The following TMEM209 variants were observed in gnomAD, a reference collection of about 807,000 sequenced individuals.
TMEM209 encodes transmembrane protein 209, also known as testicular tissue protein Li 202.
Under a neutral mutation model 76.2 loss-of-function variants are expected in TMEM209, and 65 were observed. That is an observed-to-expected ratio of 0.85 (90% CI 0.70 to 1.05). The LOEUF (loss-of-function observed/expected upper bound fraction) is 1.05. Among genes scored for constraint, TMEM209 ranks in the 50% least tolerant of loss-of-function variants. The pLI is 0.00. For synonymous variants in TMEM209, 239 were observed against 237.6 expected (o/e 1.01, Z -0.06); for missense variants, 623 against 685.5 (o/e 0.91, Z 1.02).
rs546526731 is a variant in TMEM209, at chr7:130,185,179, A to G, written c.951+13T>C. On this transcript the variant is annotated intron_variant, in intron 7 of 14. Transcript: ENST00000397622. ...AAATCATAAATATTAAGTCACTTTT[A>G]TTTTCCACTTACCTCTTCTGCGGCT... The G allele has an allele frequency of 4.1e-5, 65 of 1,597,882 alleles. No homozygotes were observed. Among genetic ancestry groups the G allele is most frequent in the Non-Finnish European group, 5.4e-5 (63 of 1,171,340 alleles).
intron 6 of TMEM209, among the ~76,000 whole-genome samples, chr7:130,190,193 T>C (rs1797744606): frequency 6.6e-6 from 1 of 152,180 alleles, no homozygotes; most frequent in Non-Finnish European, 1.5e-5. Context: ...AATGTAAATG[T>C]ACTTACCACC....
chr7:130,185,294 T>G lies in TMEM209; in HGVS notation c.849A>C (p.Ala283=). Residue 283 remains alanine (A), a synonymous_variant, in exon 7 of 15, where the codon GCA becomes GCC. Transcript: ENST00000397622. ...WNYSRSMGDY[A]QTLKKFQYQL... is the part of the protein sequence containing the mutation. ...GATACTGAAACTTCTTTAAAGTTTG[T>G]GCATAATCCCCCATAGAACGACTAT... 6.2e-7 allele frequency: 1 copy of G among 1,614,040 alleles called. No homozygotes were observed. Among genetic ancestry groups the G allele is most frequent in the Non-Finnish European group, 8.5e-7 (1 of 1,179,890 alleles).
At position 130,165,267 on chromosome 7, in the gene TMEM209, A is replaced by T. The variant is rs554955151; in HGVS notation, c.*1184T>A. On this transcript the variant is annotated 3_prime_UTR_variant, in exon 15 of 15. Coordinates refer to ENST00000397622, the MANE Select transcript of TMEM209 (RefSeq NM_032842.4). ...GATGGAAGCAGTCTCTAATATGTTA[A>T]TCAAGAAAATATATGCAATTGCCAG... The T allele has an allele frequency of 2.0e-5, 3 of 152,208 alleles. No homozygotes were observed. Among genetic ancestry groups the T allele is most frequent in the African/African-American group, 7.2e-5 (3 of 41,456 alleles). 9.4% of individuals were successfully genotyped at this position (152,208 alleles called of 1,614,324 possible).
At chr7:130,187,392 C>T (rs562307515) in intron 6 of TMEM209, among the ~76,000 whole-genome samples, 3 of 152,080 alleles carry the variant, frequency 2.0e-5, no homozygotes, top group Admixed American at 1.3e-4. Context: ...GCTGCTGTGG[C>T]GTGGCTGCTC....
intron 8 of TMEM209, among the ~76,000 whole-genome samples, chr7:130,182,517 G>C (rs549441767): frequency 1.1e-3 from 170 of 152,238 alleles, no homozygotes; most frequent in African/African-American, 3.9e-3. Context: ...GAAAAACAGA[G>C]ACTTATTACA....
Position 130,173,725 on chromosome 7 carries a change from A to C in TMEM209, c.1464T>G (p.Val488=). The change falls in exon 13 of 15, where the codon GTT becomes GTG. Residue 488 remains valine, a synonymous_variant. Coordinates refer to ENST00000397622, the MANE Select transcript of TMEM209 (RefSeq NM_032842.4). ...HFVQTPNKPD[V]TNENVFCIYQ... Reference sequence around the variant, plus strand: ...AAATGCAAAAAACATTCTCATTTGTAACATCTGTAAAGGAAGGCAATATGC... The same window carrying C: ...AAATGCAAAAAACATTCTCATTTGTCACATCTGTAAAGGAAGGCAATATGC... 6.2e-7 allele frequency: 1 copy of C among 1,613,672 alleles called. No homozygotes were observed. The highest frequency in any genetic ancestry group is 8.5e-7 in the Non-Finnish European group (1 of 1,179,646).
Position 130,202,677 on chromosome 7 carries a change from A to G in TMEM209, c.200-14T>C. 1 of 1,599,166 alleles carries G rather than the reference A, an allele frequency of 6.3e-7. No individual in the cohort carries two copies. Among genetic ancestry groups the G allele is most frequent in the Non-Finnish European group, 8.5e-7 (1 of 1,172,332 alleles). On this transcript the variant is annotated splice_polypyrimidine_tract_variant and intron_variant, in intron 3 of 14. Coordinates refer to ENST00000397622, the MANE Select transcript of TMEM209 (RefSeq NM_032842.4). ...CAAGGGCAAGCTCTGGAAGAGAACA[A>G]TTTTTTTTTAATAAGGGGGGTGAGG... is the stretch of plus-strand genomic sequence containing the variant.
At position 130,178,402 on chromosome 7, in the gene TMEM209, C is replaced by T. The variant is rs1315399063; in HGVS notation, c.1246G>A (p.Glu416Lys). ...TTTTTCTCTTCAAATCAATAATTAC[C>T]TTTGATCCTTTCAAACAAGTATTCC... ...NQEYLFERIK[E>K]LSQGGCMSSF... Residue 416 changes from glutamate (E) to lysine (K), a missense_variant and splice_region_variant, in exon 10 of 15, where the codon GAA (glutamate) becomes AAA (lysine). By Grantham distance (56) the Glu-to-Lys change is moderately conservative. Transcript: ENST00000397622. The T allele has an allele frequency of 2.5e-6, 4 of 1,605,934 alleles. No individual in the cohort carries two copies. Among genetic ancestry groups the T allele is most frequent in the Non-Finnish European group, 3.4e-6 (4 of 1,175,642 alleles).
chr7:130,175,438 G>T, intron 11 of TMEM209, 74 bp downstream of exon 11: 1 of 1,373,082 alleles, frequency 7.3e-7, no homozygotes, highest in Non-Finnish European at 1.0e-6. Context: ...CTACAGCCTG[G>T]GTGACAGAGT....
At chr7:130,198,305 T>C (rs1798060934) in intron 5 of TMEM209, among the ~76,000 whole-genome samples, 1 of 152,178 alleles carries the variant, frequency 6.6e-6, no homozygotes, top group African/African-American at 2.4e-5. Context: ...GGTACATCTA[T>C]TTTTATTTTT....
Position 130,202,608 on chromosome 7 carries a change from A to C in TMEM209, c.255T>G (p.Tyr85Ter). 1.2e-6 allele frequency: 2 copies of C among 1,613,960 alleles called. No homozygotes were observed. The highest frequency in any genetic ancestry group is 1.7e-6 in the Non-Finnish European group (2 of 1,179,848). Residue 85 changes from tyrosine to a stop codon, truncating the protein, a stop_gained, in exon 4 of 15, where the codon TAT becomes TAG. Transcript: ENST00000397622. LOFTEE classifies it high-confidence loss of function. ...SLNALFDFWR[Y>*]FKYTVAPTSL... The stretch of plus-strand genomic sequence containing the variant: ...TTGTTGGTGCCACAGTATATTTGAA[A>C]TATCTCCAAAAATCAAATAAGGCAT...
chr7:130,169,378 G>T (rs1254605973), intron 14 of TMEM209, among the ~76,000 whole-genome samples: 1 of 152,008 alleles, frequency 6.6e-6, no homozygotes. Context: ...AAATTTTCTA[G>T]TAGATACCTA....
intron 10 of TMEM209, among the ~76,000 whole-genome samples, chr7:130,177,033 A>G (rs1054228201): frequency 2.0e-5 from 3 of 150,400 alleles, no homozygotes; most frequent in Non-Finnish European, 4.4e-5. Flanking sequence ...GGTCTCAAAA[A>G]AAAAAAAAAA....
chr7:130,189,975 T>C (rs761725715), intron 6 of TMEM209, among the ~76,000 whole-genome samples: 1 of 152,150 alleles, frequency 6.6e-6, no homozygotes, highest in Non-Finnish European at 1.5e-5. Context: ...GCCTGACCTA[T>C]TTTGTGGTGC....
intron 5 of TMEM209, 27 bp from the exon 6 acceptor site, chr7:130,192,850 T>G: frequency 6.3e-7 from 1 of 1,593,220 alleles, no homozygotes; most frequent in African/African-American, 1.4e-5. Context: ...ATCTTTACTT[T>G]ATTTTTCTTT....
chr7:130,166,455 T>G lies in TMEM209; in HGVS notation c.1682A>C (p.Glu561Ala), dbSNP rs1379808081. 1.3e-6 allele frequency: 2 copies of G among 1,545,592 alleles called. No homozygotes were observed. Among genetic ancestry groups the G allele is most frequent in the East Asian group, 2.4e-5 (1 of 40,852 alleles). The change falls in exon 15 of 15, where the codon GAG (glutamate) becomes GCG (alanine). Residue 561 changes from glutamate to alanine, a missense_variant. Glu to Ala is a moderately radical substitution (Grantham distance 107). Coordinates refer to ENST00000397622, the MANE Select transcript of TMEM209 (RefSeq NM_032842.4). ...CAGAATTAAATATATGACTTGCTAC[T>G]CGCCAAAGATCCACAATATATTCAC... is the stretch of plus-strand genomic sequence containing the variant. ...SGVNILWIFG[E>A]
At position 130,202,537 on chromosome 7, in the gene TMEM209, G is replaced by T; in HGVS notation, c.326C>A (p.Thr109Lys). 1 of 1,608,844 alleles carries T rather than the reference G, an allele frequency of 6.2e-7. No homozygotes were observed. Among genetic ancestry groups the T allele is most frequent in the Non-Finnish European group, 8.5e-7 (1 of 1,178,220 alleles). The change falls in exon 4 of 15, where the codon ACA becomes AAA. Residue 109 changes from threonine (T) to lysine (K), a missense_variant. Coordinates refer to ENST00000397622, the MANE Select transcript of TMEM209 (RefSeq NM_032842.4). ...AAGAGATATAAAACACTCACCAGCT[G>T]TTTTCAACCCTAAAAGTGTTTGCTG... is the stretch of plus-strand genomic sequence containing the variant. ...PGQQTLLGLKTAVVQTTPPHD... is the reference protein window; with the variant it reads ...PGQQTLLGLKKAVVQTTPPHD...
intron 7 of TMEM209, among the ~76,000 whole-genome samples, chr7:130,184,494 CT>C (rs67295320): frequency 0.78 from 91,515 of 117,970 alleles, 34,917 homozygotes; most frequent in East Asian, 0.96. Context: ...ATTTTTCTTG[CT>C]TTTTTTTTTT....
At chr7:130,186,796 C>T (rs929209060) in intron 6 of TMEM209, among the ~76,000 whole-genome samples, 10 of 152,068 alleles carry the variant, frequency 6.6e-5, no homozygotes, top group African/African-American at 1.2e-4. Context: ...ACCACCACCA[C>T]CACCACAACA....
Sources: allele counts gnomAD v4.1 joint callset (sites outside exome capture counted in the v4.1 genomes callset), GRCh38; gene constraint gnomAD v4.1.1; transcripts MANE v1.5; gene names NCBI Gene and HGNC (gene_info 2026-07-23, HGNC 2026-07-21).